The following TTN variants were observed in gnomAD, a reference collection of about 807,000 sequenced individuals.
TTN encodes the protein titin, also known as connectin.
TTN carries 1,525 observed loss-of-function variants against 3,223.0 expected under a neutral mutation model. The ratio of observed to expected loss-of-function variants is 0.47; its 90% CI spans 0.45 to 0.49. The LOEUF (loss-of-function observed/expected upper bound fraction) is 0.49, where lower values mean the gene tolerates loss of function less well. Among genes scored for constraint, TTN ranks in the 20% least tolerant of loss-of-function variants. TTN has a pLI of 0.00. For synonymous variants in TTN, 14,094 were observed against 15,161.0 expected, an observed-to-expected ratio of 0.93 and a Z score of 5.17; for missense variants, 40,786 against 43,424.0, an observed-to-expected ratio of 0.94 and a Z score of 5.40.
At position 178,543,265 on chromosome 2, in the gene TTN, T is replaced by C. The variant is rs752066259; in HGVS notation, c.96708A>G (p.Gly32236=). 5.4e-5 allele frequency: 87 copies of C among 1,613,674 alleles called. No individual in the cohort carries two copies. Among genetic ancestry groups the C allele is most frequent in the Non-Finnish European group, 6.8e-5 (80 of 1,179,798 alleles). ...PLYDGGSRLT[G]YVLEACKAGT... ...CAGCTTTGCAGGCCTCGAGAACATA[T>C]CCAGTGAGTCGGCTACCACCATCGT... Residue 32236 remains glycine, a synonymous_variant, in exon 347 of 363, where the codon GGA becomes GGG. Coordinates refer to ENST00000589042, the MANE Select transcript of TTN (RefSeq NM_001267550.2).
intron 350 of TTN, 74 bp downstream of exon 350, chr2:178,541,208 A>G (rs1306402618): frequency 7.3e-7 from 1 of 1,364,552 alleles, no homozygotes; most frequent in East Asian, 2.5e-5. Context: ...ATAGAACTAT[A>G]TATTTCAAAA....
In TTN at chr2:178,608,085, G is replaced by A; in HGVS notation, c.52706-4C>T. ...GGGATAGGTGGCCCAGGAGGAGCTA[G>A]AATGAATGAAGATAGACAAATCAAA... On this transcript the variant is annotated splice_polypyrimidine_tract_variant and splice_region_variant and intron_variant, in intron 275 of 362. Transcript: ENST00000589042. 6.2e-7 allele frequency: 1 copy of A among 1,611,280 alleles called. No homozygotes were observed. Among genetic ancestry groups the A allele is most frequent in the East Asian group, 2.2e-5 (1 of 44,472 alleles).
intron 47 of TTN, among the ~76,000 whole-genome samples, chr2:178,752,657 G>A (rs979899889): frequency 1.3e-5 from 2 of 152,066 alleles, no homozygotes; most frequent in Non-Finnish European, 2.9e-5. Context: ...TGAATGAAGT[G>A]TAAACCAGAT....
Position 178,558,016 on chromosome 2 carries a change from C to T in TTN, c.87338G>A (p.Gly29113Glu), listed in dbSNP as rs1255742276. The T allele has an allele frequency of 4.3e-6, 7 of 1,613,744 alleles. No homozygotes were observed. The highest frequency in any genetic ancestry group is 5.9e-6 in the Non-Finnish European group (7 of 1,179,844). The stretch of plus-strand genomic sequence containing the variant: ...GTTGGCAGCAGTGATTTCATATCTC[C>T]CAGCGTCAGCTGTAACACTTTCTTT... ...NLKESVTADA[G>E]RYEITAANSS... is the part of the protein sequence containing the mutation. The change falls in exon 328 of 363, where the codon GGG (glycine) becomes GAG (glutamate). Residue 29113 changes from glycine to glutamate, a missense_variant. By Grantham distance (98) the Gly-to-Glu change is moderately conservative. Coordinates refer to ENST00000589042, the MANE Select transcript of TTN (RefSeq NM_001267550.2).
chr2:178,674,152 G>A (rs1419044036), intron 151 of TTN, among the ~76,000 whole-genome samples, 162 bp downstream of exon 151: 1 of 151,532 alleles, frequency 6.6e-6, no homozygotes, highest in Non-Finnish European at 1.5e-5. Context: ...AAAATTTAGG[G>A]TAAAAAAAGG....
intron 127 of TTN, among the ~76,000 whole-genome samples, chr2:178,685,852 C>G (rs1263930006): frequency 1.3e-5 from 2 of 152,022 alleles, no homozygotes; most frequent in African/African-American, 4.8e-5. Flanking sequence ...ATGCTTATAT[C>G]CACAGCAACG....
intron 106 of TTN, among the ~76,000 whole-genome samples, chr2:178,703,710 T>C (rs1343130579): frequency 2.0e-5 from 3 of 152,238 alleles, no homozygotes; most frequent in Non-Finnish European, 2.9e-5. Context: ...AGTTGCTAAT[T>C]GCACATGACA....
chr2:178,757,562 G>A lies in TTN; in HGVS notation c.10658C>T (p.Thr3553Ile), dbSNP rs770418018. ...TTTACCTTTTGGAGTCACTGTGAGT[G>A]TAGCTGCACAAGTGGCTTCCCCAGC... Reference protein sequence around the residue: ...NSAGEATCAATLTVTPKVQAL... With the variant: ...NSAGEATCAAILTVTPKVQAL... The change falls in exon 45 of 363, where the codon ACA (threonine) becomes ATA (isoleucine). Residue 3553 changes from threonine (T) to isoleucine (I), a missense_variant. Thr to Ile is a moderately conservative substitution (Grantham distance 89). Transcript: ENST00000589042. 3 of 1,586,334 alleles carry A rather than the reference G, an allele frequency of 1.9e-6. No individual in the cohort carries two copies. The highest frequency in any genetic ancestry group is 1.3e-5 in the African/African-American group (1 of 74,184).
In TTN at chr2:178,756,800, G is replaced by A. The variant is rs376014876; in HGVS notation, c.10679-3C>T. On this transcript the variant is annotated splice_polypyrimidine_tract_variant and splice_region_variant and intron_variant, in intron 45 of 362. Coordinates refer to ENST00000589042, the MANE Select transcript of TTN (RefSeq NM_001267550.2). ...ACTTTGCCTATCTAGGGCTTGCACT[G>A]TATAATCAAGTGACAAGAAAAAGAA... is the stretch of plus-strand genomic sequence containing the variant. 1.2e-6 allele frequency: 2 copies of A among 1,608,696 alleles called. No individual in the cohort carries two copies. The highest frequency in any genetic ancestry group is 1.7e-5 in the Admixed American group (1 of 59,382).
chr2:178,778,710 A>T (rs2092478732), intron 24 of TTN, 164 bp downstream of exon 24: 2 of 946,326 alleles, frequency 2.1e-6, no homozygotes, highest in South Asian at 3.1e-5. Context: ...CATCTTACAC[A>T]GGGGCAAGAA....
chr2:178,642,161 A>T, intron 219 of TTN, 76 bp downstream of exon 219: 2 of 1,287,058 alleles, frequency 1.6e-6, no homozygotes, highest in Non-Finnish European at 2.1e-6. Context: ...ACCAAAGGAC[A>T]GAAACATTTT....
At chr2:178,772,735 T>C (rs1462047654) in intron 33 of TTN, among the ~76,000 whole-genome samples, 4 of 152,168 alleles carry the variant, frequency 2.6e-5, no homozygotes, top group Non-Finnish European at 5.9e-5. Flanking sequence ...TATTGGAATA[T>C]ACAAATAGAA....
chr2:178,678,374 GT>G, intron 144 of TTN, 39 bp downstream of exon 144: 6 of 1,546,188 alleles, frequency 3.9e-6, no homozygotes, highest in Non-Finnish European at 5.3e-6. Context: ...ATAGATGTGA[GT>G]TTTTTCCCCC....
Position 178,564,160 on chromosome 2 carries a change from T to C in TTN, c.81972A>G (p.Glu27324=), listed in dbSNP as rs1704758791. Residue 27324 remains glutamate (E), a synonymous_variant, in exon 326 of 363, where the codon GAA becomes GAG. Coordinates refer to ENST00000589042, the MANE Select transcript of TTN (RefSeq NM_001267550.2). ...KELEETAARM[E]IKSTIQKTTL... ...TTGTTTTCTGAATAGTAGATTTAAT[T>C]TCCATTCTAGCAGCTGTTTCTTCAA... 6.2e-7 allele frequency: 1 copy of C among 1,613,652 alleles called. No homozygotes were observed. The highest frequency in any genetic ancestry group is 1.1e-5 in the South Asian group (1 of 91,084).
rs1226505570 is a variant in TTN, at chr2:178,591,251, A to G, written c.60474T>C (p.Gly20158=). The G allele has an allele frequency of 6.2e-7, 1 of 1,613,326 alleles. No homozygotes were observed. The highest frequency in any genetic ancestry group is 2.2e-5 in the East Asian group (1 of 44,812). Residue 20158 remains glycine, a synonymous_variant, in exon 304 of 363, where the codon GGT becomes GGC. Coordinates refer to ENST00000589042, the MANE Select transcript of TTN (RefSeq NM_001267550.2). ...TAAGATGTACGGCTACTGTTTTGCTACCGGCTGCATTGGAAACTGTGATTT... is the reference window on the plus strand; with the variant it reads ...TAAGATGTACGGCTACTGTTTTGCTGCCGGCTGCATTGGAAACTGTGATTT... ...EYQITVSNAA[G]SKTVAVHLTV...
chr2:178,569,929 A>T lies in TTN; in HGVS notation c.76203T>A (p.Asp25401Glu). The part of the protein sequence containing the change: ...SPPSAYQKAC[D>E]PIYKPGPPNN... ...TTGGGGGTCCTGGTTTATAAATAGGATCACAAGCCTTTTGGTAAGCAGAAG... is the reference window on the plus strand; with the variant it reads ...TTGGGGGTCCTGGTTTATAAATAGGTTCACAAGCCTTTTGGTAAGCAGAAG... Residue 25401 changes from aspartate to glutamate, a missense_variant, in exon 326 of 363, where the codon GAT (aspartate) becomes GAA (glutamate). Asp to Glu is a conservative substitution (Grantham distance 45, BLOSUM62 2). Coordinates refer to ENST00000589042, the MANE Select transcript of TTN (RefSeq NM_001267550.2). The T allele has an allele frequency of 6.2e-7, 1 of 1,613,078 alleles. No homozygotes were observed. Among genetic ancestry groups the T allele is most frequent in the Non-Finnish European group, 8.5e-7 (1 of 1,179,444 alleles).
Position 178,652,138 on chromosome 2 carries a change from G to T in TTN, c.39253C>A (p.Pro13085Thr). 1.9e-6 allele frequency: 3 copies of T among 1,612,354 alleles called. No individual in the cohort carries two copies. Among genetic ancestry groups the T allele is most frequent in the Non-Finnish European group, 2.5e-6 (3 of 1,179,644 alleles). The change falls in exon 204 of 363, where the codon CCT becomes ACT. Residue 13085 changes from proline (P) to threonine (T), a missense_variant. Physicochemically the swap from Pro to Thr is conservative, Grantham distance 38. Transcript: ENST00000589042. Reference sequence around the variant, plus strand: ...TCCGGTTTGGGAGGAATAGCTTCAGGCACCTTCTTTTCTGGGACAGCTACC... The same window carrying T: ...TCCGGTTTGGGAGGAATAGCTTCAGTCACCTTCTTTTCTGGGACAGCTACC... ...PKVAVPEKKV[P>T]EAIPPKPESP...
rs72646887 is a variant in TTN, at chr2:178,575,872, C to T, written c.70260G>A (p.Pro23420=). The T allele has an allele frequency of 9.7e-5, 157 of 1,613,324 alleles. No individual in the cohort carries two copies. Among genetic ancestry groups the T allele is most frequent in the South Asian group, 1.9e-4 (17 of 91,058 alleles). ...TCACAAAGCCACTTTTCTTCCCAGC[C>T]GGGTTTTCAATGGTCATGACAAATT... The part of the protein sequence containing the change: ...TGKFVMTIEN[P]AGKKSGFVNV... Residue 23420 remains proline (P), a synonymous_variant, in exon 326 of 363, where the codon CCG becomes CCA. Coordinates refer to ENST00000589042, the MANE Select transcript of TTN (RefSeq NM_001267550.2). This position sits in a 1 kb window ranked among gnomAD's most constrained non-coding sequence, Gnocchi z 4.0.
chr2:178,591,804 A>G lies in TTN; in HGVS notation c.60015T>C (p.Gly20005=). 1.2e-6 allele frequency: 2 copies of G among 1,613,302 alleles called. No individual in the cohort carries two copies. Among genetic ancestry groups the G allele is most frequent in the Non-Finnish European group, 1.7e-6 (2 of 1,179,586 alleles). Residue 20005 remains glycine (G), a synonymous_variant, in exon 303 of 363, where the codon GGT becomes GGC. Transcript: ENST00000589042. The part of the protein sequence containing the change: ...SLVWNKPDRD[G]GSPITGYLVE... The stretch of plus-strand genomic sequence containing the variant: ...CCAAATATCCAGTGATTGGAGAACC[A>G]CCATCACGATCCGGCTTATTCCAGA...
Sources: allele counts gnomAD v4.1 joint callset (sites outside exome capture counted in the v4.1 genomes callset), GRCh38; gene constraint gnomAD v4.1.1; non-coding constraint Gnocchi (gnomAD v3.1); transcripts MANE v1.5; gene names NCBI Gene and HGNC (gene_info 2026-07-23, HGNC 2026-07-21).